Variants in COL23A1 observed in about 807,000 individuals in gnomAD.
COL23A1 encodes collagen alpha-1(XXIII) chain.
COL23A1 carries 97 observed loss-of-function variants against 99.3 expected under a neutral mutation model. The observed-to-expected ratio is 0.98, with a 90% CI of 0.83 to 1.16. The LOEUF is 1.16. Among genes scored for constraint, COL23A1 ranks in the 50% most tolerant of loss-of-function variants. The pLI, the probability that COL23A1 is intolerant of heterozygous loss-of-function variation, is 0.00. For missense variants in COL23A1, 762 were observed against 757.4 expected (o/e 1.01, Z -0.07); for synonymous variants, 320 against 308.2 (o/e 1.04, Z -0.40).
At chr5:178,471,837 C>T (rs1229402329) in intron 2 of COL23A1, among the ~76,000 whole-genome samples, 1 of 152,152 alleles carries the variant, frequency 6.6e-6, no homozygotes, top group African/African-American at 2.4e-5. Flanking sequence ...CAGCTTGCCT[C>T]GCCCCTCCCT....
intron 2 of COL23A1, among the ~76,000 whole-genome samples, chr5:178,368,537 C>T (rs1020929222): frequency 1.2e-4 from 18 of 152,196 alleles, no homozygotes; most frequent in African/African-American, 4.3e-4. Flanking sequence ...GTAGCCACCG[C>T]TATAGTATCA....
rs757763212 is a variant in COL23A1, at chr5:178,263,365, G to T, written c.523-41C>A. The T allele has an allele frequency of 5.4e-6, 7 of 1,287,676 alleles. No homozygotes were observed. The South Asian group carries it at 6.9e-5, about 13-fold the overall frequency. 79.8% of individuals were successfully genotyped at this position (1,287,676 alleles called of 1,614,324 possible). On this transcript the variant is annotated intron_variant, in intron 8 of 28. Transcript: ENST00000390654. ...CTTGGCATGACTCTGAGGGGGAGGGGGTCCAGCCTCCAGAGAGAGGCTCCC... is the reference window on the plus strand; with the variant it reads ...CTTGGCATGACTCTGAGGGGGAGGGTGTCCAGCCTCCAGAGAGAGGCTCCC...
At chr5:178,532,775 G>A (rs984014119) in intron 2 of COL23A1, among the ~76,000 whole-genome samples, 1 of 152,262 alleles carries the variant, frequency 6.6e-6, no homozygotes, top group Admixed American at 6.5e-5. Context: ...CCCCGGTGAT[G>A]GGATTTGGGT....
At position 178,280,644 on chromosome 5, in the gene COL23A1, T is replaced by A. The variant is rs1412241993; in HGVS notation, c.441+7680A>T. ...GTTCTTCCATGTGATGGGGCGAGGA[T>A]GCTGTGGGGCTGGTCTGTTGCCTGG... On this transcript the variant is annotated intron_variant, in intron 5 of 28. Transcript: ENST00000390654. The surrounding 1 kb of genome is among the most constrained non-coding windows in gnomAD (Gnocchi z 4.9). Among the ~76,000 whole-genome samples the A allele has an allele frequency of 1.3e-5, 2 of 152,274 alleles. No individual in the cohort carries two copies. The highest frequency in any genetic ancestry group is 6.5e-5 in the Admixed American group (1 of 15,290).
chr5:178,487,633 G>A (rs939840713), intron 2 of COL23A1, among the ~76,000 whole-genome samples: 4 of 152,282 alleles, frequency 2.6e-5, no homozygotes, highest in East Asian at 3.9e-4. Context: ...GAATGACTCC[G>A]GAGAGTCCTG....
At chr5:178,315,783 T>TTC (rs1412972487) in intron 2 of COL23A1, among the ~76,000 whole-genome samples, 6 of 150,788 alleles carry the variant, frequency 4.0e-5, no homozygotes, top group East Asian at 1.9e-4. Flanking sequence ...TTTTTTTTTT[T>TTC]TCAAGACAAA....
At chr5:178,449,204 T>C (rs951341641) in intron 2 of COL23A1, among the ~76,000 whole-genome samples, 1 of 152,182 alleles carries the variant, frequency 6.6e-6, no homozygotes, top group Admixed American at 6.5e-5. Flanking sequence ...ATCTTTGTTA[T>C]GGCAGCCCAA....
At chr5:178,348,328 T>C (rs1258187609) in intron 2 of COL23A1, among the ~76,000 whole-genome samples, 1 of 152,164 alleles carries the variant, frequency 6.6e-6, no homozygotes, top group Non-Finnish European at 1.5e-5. Flanking sequence ...ACCCCTCCTC[T>C]ACCTCATTGC....
chr5:178,412,657 C>G (rs59255957), intron 2 of COL23A1, among the ~76,000 whole-genome samples: 1 of 152,136 alleles, frequency 6.6e-6, no homozygotes, highest in Non-Finnish European at 1.5e-5. Context: ...TAAAAGTGCA[C>G]GTATCACAAG....
At chr5:178,424,117 C>T (rs187357936) in intron 2 of COL23A1, among the ~76,000 whole-genome samples, 1 of 152,320 alleles carries the variant, frequency 6.6e-6, no homozygotes, top group Non-Finnish European at 1.5e-5. Flanking sequence ...AACGCGCTTG[C>T]TCCCTGCTCC....
chr5:178,385,507 G>A (rs1763623629), intron 2 of COL23A1, among the ~76,000 whole-genome samples: 1 of 152,222 alleles, frequency 6.6e-6, no homozygotes, highest in East Asian at 1.9e-4. Flanking sequence ...TGGAGCCCCT[G>A]GAGCCTGGCC....
intron 2 of COL23A1, among the ~76,000 whole-genome samples, chr5:178,469,174 C>T (rs755440053): frequency 9.9e-5 from 15 of 152,186 alleles, no homozygotes; most frequent in Non-Finnish European, 1.9e-4. Context: ...TTGCTCCTAC[C>T]TTTTGGCTAC....
chr5:178,287,367 C>T (rs905926385), intron 5 of COL23A1, among the ~76,000 whole-genome samples: 1 of 152,228 alleles, frequency 6.6e-6, no homozygotes, highest in African/African-American at 2.4e-5. Context: ...CCAGAGTTAC[C>T]ACCAAGTCCT....
chr5:178,271,423 C>T (rs779497771), intron 5 of COL23A1, among the ~76,000 whole-genome samples: 2 of 152,230 alleles, frequency 1.3e-5, no homozygotes, highest in Non-Finnish European at 2.9e-5. Context: ...GCTCAGTTAC[C>T]TCCTCTTCCA....
chr5:178,244,510 A>G (rs998766758), intron 25 of COL23A1, among the ~76,000 whole-genome samples: 1 of 152,226 alleles, frequency 6.6e-6, no homozygotes, highest in African/African-American at 2.4e-5. Flanking sequence ...GGGAGAGCCC[A>G]TGAAACTTCC....
rs552132208 is a variant in COL23A1 at position 178,451,726 on chromosome 5, T to C, written c.361+108956A>G. On this transcript the variant is annotated intron_variant, in intron 2 of 28. Coordinates refer to ENST00000390654, the MANE Select transcript of COL23A1 (RefSeq NM_173465.4). Reference sequence around the variant, plus strand: ...CTATGGTAAAGACAACAGCCAGTGATTAGATCTAAAGAAAGAAAACATCCT... The same window carrying C: ...CTATGGTAAAGACAACAGCCAGTGACTAGATCTAAAGAAAGAAAACATCCT... Among the ~76,000 whole-genome samples, 160 of 151,542 alleles carry C rather than the reference T, an allele frequency of 1.1e-3. 1 individual carries two copies. Among genetic ancestry groups the C allele is most frequent in the African/African-American group, 3.7e-3 (153 of 41,290 alleles).
intron 2 of COL23A1, among the ~76,000 whole-genome samples, chr5:178,487,648 C>T (rs757677474): frequency 2.6e-5 from 4 of 152,092 alleles, no homozygotes; most frequent in Non-Finnish European, 5.9e-5. Flanking sequence ...GTCCTGGGAC[C>T]CAACTGCCAC....
intron 3 of COL23A1, among the ~76,000 whole-genome samples, chr5:178,292,291 C>A (rs2973777): frequency 0.62 from 94,864 of 151,974 alleles, 30,228 homozygotes; most frequent in Non-Finnish European, 0.7. Flanking sequence ...ACTGACCCAC[C>A]TTCAATTAGG....
rs1763279213 is a variant in COL23A1 at position 178,575,029 on chromosome 5, CAGA to C, written c.295-14284_295-14282del. Among the ~76,000 whole-genome samples, 3 of 152,332 alleles carry C rather than the reference CAGA, an allele frequency of 2.0e-5. No individual in the cohort carries two copies. In the South Asian group the frequency reaches 6.2e-4, roughly 32 times the overall value. On this transcript the variant is annotated intron_variant, in intron 1 of 28. Coordinates refer to ENST00000390654, the MANE Select transcript of COL23A1 (RefSeq NM_173465.4). The stretch of plus-strand genomic sequence containing the variant: ...TTTATGTGTCAGTCGCTTTTTCCTT[CAGA>C]AGAAGGAAAGGACAGCTCCGCACAG...
Sources: allele counts gnomAD v4.1 joint callset (sites outside exome capture counted in the v4.1 genomes callset), GRCh38; gene constraint gnomAD v4.1.1; non-coding constraint Gnocchi (gnomAD v3.1); transcripts MANE v1.5; gene names NCBI Gene and HGNC (gene_info 2026-07-23, HGNC 2026-07-21).